Variants in TMCO5A observed in about 807,000 individuals in gnomAD.
TMCO5A encodes the protein transmembrane and coiled-coil domains 5A.
A neutral mutation model predicts 42.3 loss-of-function variants in TMCO5A; 34 were observed. The ratio of observed to expected loss-of-function variants is 0.80; its 90% CI spans 0.61 to 1.07. The LOEUF is 1.07. Among genes scored for constraint, TMCO5A ranks in the 50% least tolerant of loss-of-function variants. The pLI, the probability that TMCO5A is intolerant of heterozygous loss-of-function variation, is 0.00. For synonymous variants in TMCO5A, 131 were observed against 115.6 expected, an observed-to-expected ratio of 1.13 and a Z score of -0.86; for missense variants, 357 against 327.9, an observed-to-expected ratio of 1.09 and a Z score of -0.69.
the TMCO5A span, among the ~76,000 whole-genome samples, chr15:38,016,364 G>A: frequency 6.6e-6 from 1 of 152,164 alleles, no homozygotes; most frequent in Non-Finnish European, 1.5e-5. Context: ...TCGAAAACCT[G>A]TCAGTGTAGC....
the TMCO5A span, among the ~76,000 whole-genome samples, chr15:38,001,222 T>A: frequency 1.3e-5 from 2 of 152,256 alleles, no homozygotes; most frequent in African/African-American, 4.8e-5. Flanking sequence ...ATATATCCTC[T>A]TGCTGCATTG....
downstream of TMCO5A, among the ~76,000 whole-genome samples, chr15:37,969,096 C>T (rs1195262833): frequency 6.6e-6 from 1 of 152,070 alleles, no homozygotes; most frequent in Admixed American, 6.5e-5. Flanking sequence ...AGTCCTATAA[C>T]AGAAACATAG....
At chr15:37,935,849 G>A (rs578103608) in intron 2 of TMCO5A, among the ~76,000 whole-genome samples, 2 of 152,246 alleles carry the variant, frequency 1.3e-5, no homozygotes, top group African/African-American at 4.8e-5. Flanking sequence ...AAAGATTGAA[G>A]CCCTATCATG....
chr15:37,979,205 G>C, the TMCO5A span, among the ~76,000 whole-genome samples: 1 of 152,066 alleles, frequency 6.6e-6, no homozygotes, highest in African/African-American at 2.4e-5. Context: ...ACACAGTCTT[G>C]TTGCTTTTCC....
intron 10 of TMCO5A, chr15:37,944,245 G>T (rs1889854511): frequency 6.6e-6 from 1 of 152,026 alleles, no homozygotes; most frequent in East Asian, 1.9e-4. Flanking sequence ...AAGTCATTCT[G>T]GCCCCGAAGC....
At chr15:37,943,093 C>T (rs1285235440) in intron 9 of TMCO5A, 1 of 352,528 alleles carries the variant, frequency 2.8e-6, no homozygotes, top group Non-Finnish European at 5.2e-6. Flanking sequence ...GAAAAGGTTG[C>T]CCAGTAGAAT....
chr15:37,951,478 A>G (rs1013899399), downstream of TMCO5A: 2 of 436,564 alleles, frequency 4.6e-6, no homozygotes, highest in Non-Finnish European at 8.1e-6. Context: ...AAATTTGACC[A>G]TTTGGGGAAT....
chr15:38,038,439 T>C, the TMCO5A span, among the ~76,000 whole-genome samples: 129 of 151,736 alleles, frequency 8.5e-4, no homozygotes, highest in African/African-American at 3.0e-3. Context: ...GAGTCTCGCT[T>C]TGTCGCCCAG....
the TMCO5A span, among the ~76,000 whole-genome samples, chr15:38,009,887 C>T: frequency 6.6e-6 from 1 of 152,162 alleles, no homozygotes; most frequent in Non-Finnish European, 1.5e-5. Flanking sequence ...AGCTTTAAAA[C>T]AGTAGGTATT....
chr15:37,953,616 T>C (rs970952297), downstream of TMCO5A, among the ~76,000 whole-genome samples: 5 of 151,954 alleles, frequency 3.3e-5, no homozygotes, highest in Non-Finnish European at 7.4e-5. Flanking sequence ...CGAGCCCAGA[T>C]TGAGAAGACT....
the TMCO5A span, among the ~76,000 whole-genome samples, chr15:38,029,367 CCACACACACACACA>C: frequency 2.0e-3 from 297 of 148,056 alleles, 1 homozygote; most frequent in African/African-American, 6.8e-3. Context: ...CATGAATACA[CCACACACACACACA>C]CACACACACA....
chr15:37,972,344 G>A (rs1890690859), downstream of TMCO5A, among the ~76,000 whole-genome samples: 1 of 152,136 alleles, frequency 6.6e-6, no homozygotes, highest in South Asian at 2.1e-4. Context: ...ACAACCCGTG[G>A]GAATTCAAGA....
At chr15:37,951,949 G>A (rs983239861), downstream of TMCO5A, among the ~76,000 whole-genome samples, 2 of 152,082 alleles carry the variant, frequency 1.3e-5, no homozygotes, top group Admixed American at 6.5e-5. Flanking sequence ...GTGTGGTGAG[G>A]AGAGAAAGAC....
chr15:38,013,641 T>C, the TMCO5A span, among the ~76,000 whole-genome samples: 10 of 152,204 alleles, frequency 6.6e-5, no homozygotes, highest in Admixed American at 5.9e-4. Flanking sequence ...ATCCAGTCTA[T>C]GGAACATTTT....
Position 37,947,709 on chromosome 15 carries a change from T to C in TMCO5A, c.668+13T>C. 6.4e-7 allele frequency: 1 copy of C among 1,572,510 alleles called. No individual in the cohort carries two copies. The highest frequency in any genetic ancestry group is 8.7e-7 in the Non-Finnish European group (1 of 1,147,146). On this transcript the variant is annotated intron_variant, in intron 11 of 11. Transcript: ENST00000319669. ...TATTCAGTAAAAAGTAAGTAAAATA[T>C]CTTCAGGTAAACTTCCTATAAAATT... is the stretch of plus-strand genomic sequence containing the variant.
chr15:38,031,973 T>C, the TMCO5A span, among the ~76,000 whole-genome samples: 1 of 151,708 alleles, frequency 6.6e-6, no homozygotes, highest in Non-Finnish European at 1.5e-5. Context: ...TTTTTTTTTT[T>C]AGATGGAATT....
chr15:37,972,815 G>C, the TMCO5A span, among the ~76,000 whole-genome samples: 1 of 152,054 alleles, frequency 6.6e-6, no homozygotes, highest in African/African-American at 2.4e-5. Context: ...GGGTTTTGTT[G>C]CAATTGTTTT....
chr15:38,008,425 T>C, the TMCO5A span, among the ~76,000 whole-genome samples: 1 of 152,144 alleles, frequency 6.6e-6, no homozygotes, highest in Non-Finnish European at 1.5e-5. Flanking sequence ...TCTAAAGTCA[T>C]TTGACCTCAA....
the TMCO5A span, among the ~76,000 whole-genome samples, chr15:38,035,091 T>C: frequency 6.6e-6 from 1 of 152,140 alleles, no homozygotes; most frequent in Non-Finnish European, 1.5e-5. Context: ...TATGGATACA[T>C]AGTGCATGAT....
Sources: allele counts gnomAD v4.1 joint callset (sites outside exome capture counted in the v4.1 genomes callset), GRCh38; gene constraint gnomAD v4.1.1; transcripts MANE v1.5; gene names NCBI Gene and HGNC (gene_info 2026-07-23, HGNC 2026-07-21).